GLRA3: variants seen among roughly 807,000 people sequenced by gnomAD.
The protein encoded by GLRA3 is glycine receptor subunit alpha-3.
Under a neutral mutation model 60.4 loss-of-function variants are expected in GLRA3, and 44 were observed. The observed-to-expected ratio is 0.73, with a 90% CI of 0.57 to 0.94. The LOEUF is 0.94. Ranked by LOEUF, GLRA3 falls within the 40% of genes least tolerant of loss-of-function variation. GLRA3 has a pLI of 0.00. For synonymous variants in GLRA3, 223 were observed against 192.9 expected (o/e 1.16, Z -1.29); for missense variants, 508 against 564.6 (o/e 0.90, Z 1.02).
intron 3 of GLRA3, among the ~76,000 whole-genome samples, chr4:174,757,831 C>T (rs1254211648): frequency 7.9e-5 from 12 of 152,114 alleles, no homozygotes; most frequent in Non-Finnish European, 1.8e-4. Flanking sequence ...TGGATATTTG[C>T]CCCTTCCAAA....
At chr4:174,707,463 A>C (rs1266197478) in intron 5 of GLRA3, among the ~76,000 whole-genome samples, 1 of 152,118 alleles carries the variant, frequency 6.6e-6, no homozygotes, top group East Asian at 1.9e-4. Flanking sequence ...TTTTGCAGCT[A>C]TCTCTAATGT....
chr4:174,657,711 G>A (rs1355082584), intron 8 of GLRA3, among the ~76,000 whole-genome samples: 1 of 152,074 alleles, frequency 6.6e-6, no homozygotes, highest in African/African-American at 2.4e-5. Flanking sequence ...AATGAGAAAT[G>A]TAACAGACCA....
At chr4:174,649,180 C>T (rs79538307) in intron 9 of GLRA3, among the ~76,000 whole-genome samples, 1,717 of 152,190 alleles carry the variant, frequency 0.011, 33 homozygotes, top group African/African-American at 0.039. Context: ...GTAGTGAACA[C>T]AGCTTCTTGC....
intron 4 of GLRA3, 96 bp from the exon 5 acceptor site, chr4:174,715,666 C>G (rs1203832352): frequency 1.7e-6 from 1 of 586,768 alleles, no homozygotes; most frequent in East Asian, 2.9e-5. Flanking sequence ...TGGTGACTAA[C>G]TCAGATTTAA....
chr4:174,685,555 C>T (rs973336124), intron 5 of GLRA3, among the ~76,000 whole-genome samples: 25 of 152,124 alleles, frequency 1.6e-4, no homozygotes, highest in African/African-American at 5.3e-4. Context: ...ATGTGGGAAC[C>T]TGAAGGACTG....
intron 1 of GLRA3, among the ~76,000 whole-genome samples, chr4:174,824,431 C>G (rs1257798980): frequency 6.6e-6 from 1 of 152,092 alleles, no homozygotes; most frequent in East Asian, 1.9e-4. Flanking sequence ...TAAAACTATT[C>G]CTGTAATGAT....
At position 174,715,553 on chromosome 4, in the gene GLRA3, G is replaced by T; in HGVS notation, c.509C>A (p.Ser170Tyr). The T allele has an allele frequency of 6.6e-7, 1 of 1,509,918 alleles. No homozygotes were observed. The highest frequency in any genetic ancestry group is 9.2e-7 in the Non-Finnish European group (1 of 1,090,052). The allele number at this position is 1,509,918 out of a possible 1,614,324, so 93.5% of individuals were successfully genotyped here. Residue 170 changes from serine to tyrosine, a missense_variant, in exon 5 of 10, where the codon TCC becomes TAC. Coordinates refer to ENST00000274093, the MANE Select transcript of GLRA3 (RefSeq NM_006529.4). ...LYSIRLTLTL[S>Y]CPMDLKNFPM... ...AAAATTCTTGAGATCCATTGGACAG[G>T]AAAGTGTTAATGTTAATCTGAAAGT...
At chr4:174,682,090 G>T (rs1734369180) in intron 6 of GLRA3, among the ~76,000 whole-genome samples, 1 of 152,142 alleles carries the variant, frequency 6.6e-6, no homozygotes, top group Non-Finnish European at 1.5e-5. Flanking sequence ...GCTAGTGGGA[G>T]GTCATGTACT....
chr4:174,659,911 G>A (rs908098592), intron 7 of GLRA3, among the ~76,000 whole-genome samples: 1 of 150,602 alleles, frequency 6.6e-6, no homozygotes, highest in Non-Finnish European at 1.5e-5. Flanking sequence ...GGCAGAGGTT[G>A]CAGTGAGCCG....
chr4:174,688,685 C>T (rs903204190), intron 5 of GLRA3, among the ~76,000 whole-genome samples: 8 of 150,434 alleles, frequency 5.3e-5, no homozygotes, highest in Admixed American at 1.3e-4. Context: ...CCTAAGAAGT[C>T]TCAACATTGA....
chr4:174,732,160 T>G (rs776617160), intron 3 of GLRA3, among the ~76,000 whole-genome samples: 1 of 152,054 alleles, frequency 6.6e-6, no homozygotes, highest in Non-Finnish European at 1.5e-5. Context: ...ACAGAGACCA[T>G]CCTGGCCAAC....
At chr4:174,708,011 A>G (rs1415559214) in intron 5 of GLRA3, among the ~76,000 whole-genome samples, 1 of 152,154 alleles carries the variant, frequency 6.6e-6, no homozygotes, top group Non-Finnish European at 1.5e-5. Flanking sequence ...TAGCGAGTTC[A>G]TTACTGTATA....
intron 3 of GLRA3, among the ~76,000 whole-genome samples, chr4:174,738,182 T>G (rs939456283): frequency 6.6e-6 from 1 of 152,230 alleles, no homozygotes; most frequent in Non-Finnish European, 1.5e-5. Context: ...TATTGCTGCC[T>G]CATTTAGGAC....
intron 5 of GLRA3, among the ~76,000 whole-genome samples, chr4:174,692,120 T>A (rs1164589651): frequency 6.7e-6 from 1 of 149,508 alleles, no homozygotes; most frequent in African/African-American, 2.5e-5. Flanking sequence ...GCCTGGCAAC[T>A]GCCCCGTCTG....
chr4:174,677,277 A>G lies in GLRA3; in HGVS notation c.728T>C (p.Ile243Thr), dbSNP rs149146668. The G allele has an allele frequency of 5.0e-6, 8 of 1,604,688 alleles. No individual in the cohort carries two copies. The African/African-American group carries it at 6.7e-5, about 13-fold the overall frequency. The stretch of plus-strand genomic sequence containing the variant: ...TCGCTCCAGATGGAATCGCACTTCT[A>G]TACACGTAAACTTTCCTAATTGGTG... ...KHYNTGKFTC[I>T]EVRFHLERQM... The change falls in exon 7 of 10, where the codon ATA becomes ACA. Residue 243 changes from isoleucine to threonine, a missense_variant. Transcript: ENST00000274093.
At position 174,677,297 on chromosome 4, in the gene GLRA3, T is replaced by C; in HGVS notation, c.713-5A>G. 1 of 1,562,234 alleles carries C rather than the reference T, an allele frequency of 6.4e-7. No individual in the cohort carries two copies. Among genetic ancestry groups the C allele is most frequent in the Non-Finnish European group, 8.8e-7 (1 of 1,134,228 alleles). ...CTTCTATACACGTAAACTTTCCTAATTGGTGGTAAGGTAAATACAGCAATT... is the reference window on the plus strand; with the variant it reads ...CTTCTATACACGTAAACTTTCCTAACTGGTGGTAAGGTAAATACAGCAATT... On this transcript the variant is annotated splice_region_variant and splice_polypyrimidine_tract_variant and intron_variant, in intron 6 of 9. Transcript: ENST00000274093.
At chr4:174,784,834 T>TA (rs1410520812) in intron 2 of GLRA3, among the ~76,000 whole-genome samples, 1 of 152,140 alleles carries the variant, frequency 6.6e-6, no homozygotes, top group Non-Finnish European at 1.5e-5. Context: ...AAGTAGTTTT[T>TA]ATACTTATGT....
chr4:174,729,138 G>A (rs1379589077), intron 3 of GLRA3, among the ~76,000 whole-genome samples: 1 of 152,124 alleles, frequency 6.6e-6, no homozygotes, highest in African/African-American at 2.4e-5. Context: ...AATTTATCAT[G>A]TTTAAAACTT....
chr4:174,794,579 G>A (rs1323351859), intron 1 of GLRA3, among the ~76,000 whole-genome samples: 1 of 152,034 alleles, frequency 6.6e-6, no homozygotes, highest in East Asian at 1.9e-4. Flanking sequence ...AGCACTCTCA[G>A]CACCCAATTA....
Sources: allele counts gnomAD v4.1 joint callset (sites outside exome capture counted in the v4.1 genomes callset), GRCh38; gene constraint gnomAD v4.1.1; transcripts MANE v1.5; gene names NCBI Gene and HGNC (gene_info 2026-07-23, HGNC 2026-07-21).